ERBIN: variants seen among roughly 807,000 people sequenced by gnomAD.
ERBIN encodes the protein erbb2 interacting protein, also known as densin-180-like protein.
A neutral mutation model predicts 158.4 loss-of-function variants in ERBIN; 60 were observed. That is an observed-to-expected ratio of 0.38 (90% CI 0.31 to 0.47). The LOEUF (loss-of-function observed/expected upper bound fraction) is 0.47, where lower values mean the gene tolerates loss of function less well. Ranked by LOEUF, ERBIN falls within the 20% of genes least tolerant of loss-of-function variation. ERBIN has a pLI of 0.99. For synonymous variants in ERBIN, 594 were observed against 557.2 expected, an observed-to-expected ratio of 1.07 and a Z score of -0.93; for missense variants, 1,610 against 1,648.0, an observed-to-expected ratio of 0.98 and a Z score of 0.40.
chr5:65,996,413 T>C (rs1302633930), intron 4 of ERBIN, among the ~76,000 whole-genome samples: 1 of 152,154 alleles, frequency 6.6e-6, no homozygotes, highest in Non-Finnish European at 1.5e-5. Flanking sequence ...CTTTACCCAT[T>C]GTGTGTTCTT....
At chr5:65,978,389 A>G (rs1750271292) in intron 1 of ERBIN, among the ~76,000 whole-genome samples, 1 of 152,198 alleles carries the variant, frequency 6.6e-6, no homozygotes. Flanking sequence ...GTTGAAAAAA[A>G]AATTGAGGCT....
intron 7 of ERBIN, among the ~76,000 whole-genome samples, chr5:66,020,123 A>G (rs79556611): frequency 0.078 from 11,827 of 152,134 alleles, 714 homozygotes; most frequent in East Asian, 0.27. Context: ...TAGTAAATCT[A>G]GGTGAAAGCA....
At chr5:66,023,937 A>T (rs1755968095) in intron 9 of ERBIN, among the ~76,000 whole-genome samples, 1 of 152,056 alleles carries the variant, frequency 6.6e-6, no homozygotes. Flanking sequence ...TCGGCCTACC[A>T]AAGTGCTGGG....
chr5:66,040,254 G>C (rs543485429), intron 15 of ERBIN, among the ~76,000 whole-genome samples: 1 of 151,924 alleles, frequency 6.6e-6, no homozygotes, highest in African/African-American at 2.4e-5. Context: ...CCTCTAAACT[G>C]TCCGAATCAT....
chr5:65,989,491 G>C (rs1751637347), intron 2 of ERBIN, among the ~76,000 whole-genome samples: 1 of 152,066 alleles, frequency 6.6e-6, no homozygotes, highest in Admixed American at 6.5e-5. Flanking sequence ...TAGCTTCCTA[G>C]AGCCCAATCT....
chr5:66,046,390 A>T lies in ERBIN; in HGVS notation c.1640A>T (p.Asp547Val), dbSNP rs149251650. The change falls in exon 18 of 26, where the codon GAT becomes GTT. Residue 547 changes from aspartate (D) to valine (V), a missense_variant. Physicochemically the swap from Asp to Val is radical, Grantham distance 152. Around this residue, in one of 2 missense-constraint regions of ERBIN, gnomAD observed 596 missense variants for 711.9 expected, o/e 0.84. Transcript: ENST00000284037. ...ACTACTACAGTAAAAAGCAAAGTTG[A>T]TGAAAGAGAAAAATATATGATAGGA... Reference protein sequence around the residue: ...ESTTTVKSKVDEREKYMIGNS... With the variant: ...ESTTTVKSKVVEREKYMIGNS... The T allele has an allele frequency of 1.2e-6, 2 of 1,600,506 alleles. No homozygotes were observed. Among genetic ancestry groups the T allele is most frequent in the African/African-American group, 2.7e-5 (2 of 74,512 alleles).
At chr5:66,031,695 G>A (rs1035699177) in intron 14 of ERBIN, among the ~76,000 whole-genome samples, 3 of 152,080 alleles carry the variant, frequency 2.0e-5, no homozygotes, top group Admixed American at 6.5e-5. Context: ...AGCCAGGTGG[G>A]GTAGCACATG....
intron 24 of ERBIN, 109 bp downstream of exon 24, chr5:66,076,517 A>G (rs1023092620): frequency 3.5e-6 from 3 of 847,096 alleles, no homozygotes; most frequent in African/African-American, 1.7e-5. Context: ...CTAGGTAGAC[A>G]TCACCTGGAT....
chr5:65,940,555 CG>C (rs1163253637), intron 1 of ERBIN, among the ~76,000 whole-genome samples: 1 of 129,932 alleles, frequency 7.7e-6, no homozygotes, highest in Admixed American at 7.3e-5. Flanking sequence ...CCGCCCCGTC[CG>C]GGAGGTGAGG....
At chr5:65,999,023 G>C (rs927098730) in intron 4 of ERBIN, among the ~76,000 whole-genome samples, 5 of 151,608 alleles carry the variant, frequency 3.3e-5, no homozygotes, top group Admixed American at 3.3e-4. Flanking sequence ...TTTCATGTAT[G>C]TGAATTTAAA....
intron 1 of ERBIN, among the ~76,000 whole-genome samples, chr5:65,982,075 A>G (rs986865743): frequency 1.3e-5 from 2 of 152,226 alleles, no homozygotes; most frequent in African/African-American, 2.4e-5. Flanking sequence ...GCCTGCCAGA[A>G]AACAATACCT....
intron 1 of ERBIN, among the ~76,000 whole-genome samples, chr5:65,974,794 T>C (rs1231838785): frequency 6.6e-6 from 1 of 152,170 alleles, no homozygotes; most frequent in Non-Finnish European, 1.5e-5. Context: ...AGCCAAGATA[T>C]ATGTTCTTTG....
intron 7 of ERBIN, among the ~76,000 whole-genome samples, chr5:66,020,024 C>G (rs998836604): frequency 1.3e-5 from 2 of 152,020 alleles, no homozygotes; most frequent in Non-Finnish European, 2.9e-5. Context: ...CAACCTTTCG[C>G]TTGTTAATGA....
chr5:65,928,486 T>C lies in ERBIN; in HGVS notation c.-58+1680T>C, dbSNP rs369212091. Among the ~76,000 whole-genome samples the C allele has an allele frequency of 1.4e-4, 22 of 152,166 alleles. 1 individual carries two copies. The highest frequency in any genetic ancestry group is 9.6e-4 in the East Asian group (5 of 5,192). On this transcript the variant is annotated intron_variant, in intron 1 of 25. Transcript: ENST00000284037. The stretch of plus-strand genomic sequence containing the variant: ...GGCTTCAAAAGCAACAAAACCTTAA[T>C]AGAGCAAGTCCCTTACAGAGAATTA...
chr5:65,929,014 G>A (rs1013389188), intron 1 of ERBIN, among the ~76,000 whole-genome samples: 14 of 152,154 alleles, frequency 9.2e-5, no homozygotes, highest in Admixed American at 6.5e-4. Context: ...TTTATTGAAG[G>A]TAATCATGAA....
intron 1 of ERBIN, among the ~76,000 whole-genome samples, chr5:65,952,673 A>G (rs1746654700): frequency 6.6e-6 from 1 of 152,206 alleles, no homozygotes; most frequent in Admixed American, 6.5e-5. Context: ...TGTAGCTAGC[A>G]TACTTTAAAA....
rs1440537105 is a variant in ERBIN at position 65,983,424 on chromosome 5, CTCT to C, written c.-57-5206_-57-5204del. Among the ~76,000 whole-genome samples, 9 of 151,504 alleles carry C rather than the reference CTCT, an allele frequency of 5.9e-5. No homozygotes were observed. In the East Asian group the frequency reaches 1.5e-3, roughly 26 times the overall value. On this transcript the variant is annotated intron_variant, in intron 1 of 25. Transcript: ENST00000284037. ...CTTAAGTTCAAAAACTTTTTTTTTA[CTCT>C]TCTTACCTTCCTATCTTTATTCTTT... is the stretch of plus-strand genomic sequence containing the variant.
chr5:65,965,379 GTTGTTTTTTTTTTTTTTTTTTTT>G (rs1748460653), intron 1 of ERBIN, among the ~76,000 whole-genome samples: 4 of 103,650 alleles, frequency 3.9e-5, no homozygotes, highest in African/African-American at 7.4e-5. Flanking sequence ...TTTGTTTTTT[GTTGTTTTTTTTTTTTTTTTTTTT>G]TTTTTTTTTT....
intron 22 of ERBIN, 29 bp from the exon 23 acceptor site, chr5:66,074,995 C>A (rs150901418): frequency 6.3e-7 from 1 of 1,593,492 alleles, no homozygotes; most frequent in South Asian, 1.1e-5. Flanking sequence ...TATTATTGGT[C>A]ATTTTAAGAT....
Sources: gnomAD v4.1 joint callset for allele counts (sites outside exome capture counted in the v4.1 genomes callset) on GRCh38, gnomAD v4.1.1 for gene constraint, gnomAD v4.1.1 regional missense constraint, MANE v1.5 for transcripts, NCBI Gene and HGNC (gene_info 2026-07-23, HGNC 2026-07-21) for gene names.